The following CTIF variants were observed in gnomAD, a reference collection of about 807,000 sequenced individuals.
CTIF encodes the protein CBP80/20-dependent translation initiation factor.
A neutral mutation model predicts 66.0 loss-of-function variants in CTIF; 21 were observed. The observed-to-expected ratio is 0.32, with a 90% CI of 0.23 to 0.46. CTIF has a LOEUF of 0.46. Ranked by LOEUF, CTIF falls within the 20% of genes least tolerant of loss-of-function variation. The pLI is 1.00. For synonymous variants in CTIF, 345 were observed against 326.4 expected, an observed-to-expected ratio of 1.06 and a Z score of -0.62; for missense variants, 739 against 812.7, an observed-to-expected ratio of 0.91 and a Z score of 1.10.
chr18:48,847,175 G>A (rs1468584998), intron 10 of CTIF, among the ~76,000 whole-genome samples: 1 of 152,006 alleles, frequency 6.6e-6, no homozygotes, highest in Admixed American at 6.5e-5. Context: ...GGTCGTGGTG[G>A]TGCGTGCCTG....
intron 1 of CTIF, among the ~76,000 whole-genome samples, chr18:48,588,551 C>A (rs7231156): frequency 2.0e-5 from 3 of 152,164 alleles, no homozygotes; most frequent in East Asian, 3.9e-4. Flanking sequence ...CCTAGCTGAT[C>A]CCCCAAACAC....
chr18:48,744,813 T>G (rs994526367), intron 7 of CTIF, among the ~76,000 whole-genome samples: 4 of 151,662 alleles, frequency 2.6e-5, no homozygotes, highest in African/African-American at 9.7e-5. Context: ...GGGGCAGTTC[T>G]TTCTTCTTCT....
chr18:48,682,505 A>G lies in CTIF; in HGVS notation c.507+11761A>G, dbSNP rs938327920. On this transcript the variant is annotated intron_variant, in intron 6 of 11. Coordinates refer to ENST00000256413, the MANE Select transcript of CTIF (RefSeq NM_014772.3). The stretch of plus-strand genomic sequence containing the variant: ...GCCCTCTGTGATACTGATGCGTGCA[A>G]CAGTTGGAGAACCACTGCCTTACGA... Among the ~76,000 whole-genome samples the G allele has an allele frequency of 3.3e-5, 5 of 152,204 alleles. No individual in the cohort carries two copies. The East Asian group carries it at 5.8e-4, about 18-fold the overall frequency.
At chr18:48,635,709 A>G (rs948026429) in intron 2 of CTIF, among the ~76,000 whole-genome samples, 4 of 152,204 alleles carry the variant, frequency 2.6e-5, no homozygotes, top group African/African-American at 7.2e-5. Context: ...GTTTAATACA[A>G]TAGTAAAAAC....
At position 48,770,743 on chromosome 18, in the gene CTIF, G is replaced by A. The variant is rs542609018; in HGVS notation, c.1371+9054G>A. Among the ~76,000 whole-genome samples, 27 of 152,350 alleles carry A rather than the reference G, an allele frequency of 1.8e-4. 1 individual carries two copies. The highest frequency in any genetic ancestry group is 6.0e-4 in the African/African-American group (25 of 41,574). The stretch of plus-strand genomic sequence containing the variant: ...GTGCAGTAGCATCGATTGCTGCCTC[G>A]ATGCTGATCTTGAGCATTTAAAACA... On this transcript the variant is annotated intron_variant, in intron 9 of 11. Transcript: ENST00000256413.
chr18:48,841,760 C>G (rs1426217010), intron 10 of CTIF, among the ~76,000 whole-genome samples: 2 of 152,116 alleles, frequency 1.3e-5, no homozygotes, highest in African/African-American at 4.8e-5. Context: ...CGGTGTTATC[C>G]CAGGGGTCCC....
intron 1 of CTIF, among the ~76,000 whole-genome samples, chr18:48,541,149 A>C (rs1038279739): frequency 6.6e-6 from 1 of 151,616 alleles, no homozygotes; most frequent in African/African-American, 2.4e-5. Context: ...GACCGGGGAG[A>C]GAGTCAGCGA....
intron 6 of CTIF, among the ~76,000 whole-genome samples, chr18:48,683,387 A>G (rs2091780103): frequency 6.7e-6 from 1 of 149,104 alleles, no homozygotes. Context: ...TGTCCCTCCG[A>G]GCATCAGTGG....
intron 7 of CTIF, among the ~76,000 whole-genome samples, chr18:48,753,399 A>AT: frequency 6.6e-6 from 1 of 152,226 alleles, no homozygotes; most frequent in African/African-American, 2.4e-5. Flanking sequence ...TGTTAAAACC[A>AT]TTTTTTTAAA....
intron 1 of CTIF, among the ~76,000 whole-genome samples, chr18:48,599,965 C>G (rs2090061199): frequency 6.6e-6 from 1 of 152,214 alleles, no homozygotes; most frequent in African/African-American, 2.4e-5. Flanking sequence ...GTGACACCCT[C>G]CAAGTGGCCA....
intron 6 of CTIF, among the ~76,000 whole-genome samples, chr18:48,686,295 C>A (rs899210975): frequency 6.6e-6 from 1 of 152,082 alleles, no homozygotes; most frequent in African/African-American, 2.4e-5. Flanking sequence ...TATTTTGATG[C>A]TCAAATCATC....
intron 1 of CTIF, among the ~76,000 whole-genome samples, chr18:48,553,521 C>T (rs751142901): frequency 5.9e-5 from 9 of 152,324 alleles, no homozygotes; most frequent in Non-Finnish European, 1.2e-4. Context: ...TGTTAACCTG[C>T]AGCCGCCCAG....
intron 1 of CTIF, among the ~76,000 whole-genome samples, chr18:48,561,330 T>C (rs1205856312): frequency 6.6e-6 from 1 of 152,114 alleles, no homozygotes; most frequent in Non-Finnish European, 1.5e-5. Context: ...GAAGCCCCTT[T>C]TATATGCTAA....
intron 2 of CTIF, among the ~76,000 whole-genome samples, chr18:48,627,710 C>A (rs927157496): frequency 6.7e-6 from 1 of 149,634 alleles, no homozygotes; most frequent in Non-Finnish European, 1.5e-5. Flanking sequence ...GAGAGTGAGA[C>A]CCTGTCTCAA....
intron 6 of CTIF, among the ~76,000 whole-genome samples, chr18:48,684,474 C>G (rs1331917163): frequency 2.0e-5 from 3 of 151,994 alleles, no homozygotes; most frequent in Non-Finnish European, 2.9e-5. Flanking sequence ...ATCTAGTATA[C>G]TATTATTATA....
chr18:48,604,295 G>T (rs1222521482), intron 1 of CTIF, among the ~76,000 whole-genome samples: 4 of 140,454 alleles, frequency 2.8e-5, no homozygotes, highest in African/African-American at 1.1e-4. Context: ...TCCTGCCTCA[G>T]CCTCCCGATT....
chr18:48,599,208 C>A (rs946814442), intron 1 of CTIF, among the ~76,000 whole-genome samples: 1 of 152,136 alleles, frequency 6.6e-6, no homozygotes, highest in South Asian at 2.1e-4. Context: ...GGGCCTCACA[C>A]TGATAGGCAT....
chr18:48,788,005 T>TGG (rs1911867725), intron 9 of CTIF, among the ~76,000 whole-genome samples: 1 of 152,164 alleles, frequency 6.6e-6, no homozygotes, highest in Non-Finnish European at 1.5e-5. Context: ...GAGGTGAGGC[T>TGG]GGGGCCAGGC....
intron 6 of CTIF, 131 bp from the exon 7 acceptor site, chr18:48,711,488 T>C: frequency 1.5e-6 from 1 of 671,656 alleles, no homozygotes; most frequent in Non-Finnish European, 2.6e-6. Flanking sequence ...GATTTGGTGG[T>C]TAGAGTCTAG....
Sources: gnomAD v4.1 joint callset for allele counts (sites outside exome capture counted in the v4.1 genomes callset) on GRCh38, gnomAD v4.1.1 for gene constraint, MANE v1.5 for transcripts, NCBI Gene and HGNC (gene_info 2026-07-23, HGNC 2026-07-21) for gene names.